The following NRIP1 variants were observed in gnomAD, a reference collection of about 807,000 sequenced individuals.
The protein encoded by NRIP1 is nuclear receptor-interacting protein 1.
Under a neutral mutation model 75.0 loss-of-function variants are expected in NRIP1, and 28 were observed. The observed-to-expected ratio is 0.37, with a 90% confidence interval of 0.28 to 0.51. The LOEUF is 0.51. NRIP1 is among the 20% of genes least tolerant of loss of function. The pLI, the probability that NRIP1 is intolerant of heterozygous loss-of-function variation, is 0.92. For synonymous variants in NRIP1, 526 were observed against 487.6 expected, an observed-to-expected ratio of 1.08 and a Z score of -1.04; for missense variants, 1,435 against 1,343.7, an observed-to-expected ratio of 1.07 and a Z score of -1.06.
chr21:15,022,801 C>G (rs965354114), intron 2 of NRIP1, among the ~76,000 whole-genome samples: 1 of 152,152 alleles, frequency 6.6e-6, no homozygotes, highest in Non-Finnish European at 1.5e-5. Flanking sequence ...GAATTCCATT[C>G]CTGTGTATAT....
chr21:14,979,398 T>A (rs923207213), intron 3 of NRIP1, among the ~76,000 whole-genome samples: 6 of 152,192 alleles, frequency 3.9e-5, no homozygotes, highest in African/African-American at 1.4e-4. Context: ...CAACTATGGT[T>A]TCCCCATCCC....
At chr21:14,990,033 A>G (rs889091271) in intron 3 of NRIP1, among the ~76,000 whole-genome samples, 1 of 152,164 alleles carries the variant, frequency 6.6e-6, no homozygotes. Flanking sequence ...AAATTTGTAA[A>G]TATGACAATA....
intron 1 of NRIP1, among the ~76,000 whole-genome samples, chr21:15,055,961 TAAGA>T (rs1381698335): frequency 6.6e-6 from 1 of 151,378 alleles, no homozygotes; most frequent in African/African-American, 2.4e-5. Context: ...AATGAGATAT[TAAGA>T]AATAAAAAGG....
At chr21:14,971,427 T>C (rs2086900304) in intron 3 of NRIP1, 1 of 152,230 alleles carries the variant, frequency 6.6e-6, no homozygotes, top group Non-Finnish European at 1.5e-5. Context: ...TCATTCTAAA[T>C]ATTCAATTGT....
At chr21:15,006,982 C>A (rs1458140393) in intron 3 of NRIP1, among the ~76,000 whole-genome samples, 1 of 152,126 alleles carries the variant, frequency 6.6e-6, no homozygotes, top group East Asian at 1.9e-4. Flanking sequence ...TAAGGGCTAG[C>A]CAGGCAGAAG....
intron 3 of NRIP1, among the ~76,000 whole-genome samples, chr21:15,007,315 A>T (rs1166393773): frequency 1.3e-5 from 2 of 152,242 alleles, no homozygotes; most frequent in African/African-American, 4.8e-5. Context: ...AGAGTTGAAG[A>T]AAAAGACAGC....
Position 14,965,112 on chromosome 21 carries a change from A to G in NRIP1, c.3081T>C (p.Ser1027=). 1 of 1,613,302 alleles carries G rather than the reference A, an allele frequency of 6.2e-7. No individual in the cohort carries two copies. Among genetic ancestry groups the G allele is most frequent in the Non-Finnish European group, 8.5e-7 (1 of 1,179,922 alleles). Residue 1027 remains serine, a synonymous_variant, in exon 4 of 4, where the codon TCT becomes TCC. Transcript: ENST00000318948. ...HLGCAGSRPE[S]GLLNGCSMPS... ...GCATGGAACACCCATTCAAAAGCCC[A>G]GATTCTGGTCTAGACCCTGCACAGC...
chr21:15,047,405 T>G (rs2142216), intron 1 of NRIP1, among the ~76,000 whole-genome samples: 18,645 of 152,112 alleles, frequency 0.12, 1,285 homozygotes, highest in East Asian at 0.31. Context: ...CCAGGCGTGG[T>G]GGCGGGCGCC....
intron 2 of NRIP1, among the ~76,000 whole-genome samples, chr21:15,042,792 A>AG (rs899570664): frequency 6.6e-6 from 1 of 152,200 alleles, no homozygotes; most frequent in Non-Finnish European, 1.5e-5. Context: ...CATCTATGGT[A>AG]TTTGTTACAG....
chr21:14,987,165 C>A (rs1294436048), intron 3 of NRIP1, among the ~76,000 whole-genome samples: 1 of 152,302 alleles, frequency 6.6e-6, no homozygotes, highest in African/African-American at 2.4e-5. Context: ...CATTTACCAA[C>A]TCTTTGATCA....
intron 3 of NRIP1, among the ~76,000 whole-genome samples, chr21:14,973,085 C>T (rs537952070): frequency 8.7e-4 from 132 of 152,252 alleles, no homozygotes; most frequent in African/African-American, 2.5e-3. Flanking sequence ...TTCATTAGAG[C>T]TTGTGCATGT....
At chr21:14,984,741 C>T (rs2147036391) in intron 3 of NRIP1, among the ~76,000 whole-genome samples, 2 of 152,288 alleles carry the variant, frequency 1.3e-5, no homozygotes, top group East Asian at 3.9e-4. Flanking sequence ...TCATTGTTGT[C>T]TTATTTTAAG....
At chr21:15,030,810 T>C (rs940549437) in intron 2 of NRIP1, among the ~76,000 whole-genome samples, 4 of 152,282 alleles carry the variant, frequency 2.6e-5, no homozygotes, top group Non-Finnish European at 4.4e-5. Context: ...ATCACGACAT[T>C]CCCTTTCTAT....
intron 1 of NRIP1, chr21:15,050,045 T>C (rs776671885): frequency 6.6e-6 from 1 of 152,192 alleles, no homozygotes; most frequent in Non-Finnish European, 1.5e-5. Context: ...TTAAAATAAA[T>C]GCATACATAT....
chr21:14,967,927 G>T lies in NRIP1; in HGVS notation c.266C>A (p.Ser89Tyr). ...LHLKKARLLQSSEDWNAAKRK... is the reference protein window; with the variant it reads ...LHLKKARLLQYSEDWNAAKRK... ...CTTTGCTGCATTCCAGTCCTCAGAA[G>T]ACTGCAACAGTCTGGCTTTTTTGAG... The change falls in exon 4 of 4, where the codon TCT becomes TAT. Residue 89 changes from serine to tyrosine, a missense_variant. Physicochemically the swap from Ser to Tyr is moderately radical, Grantham distance 144. Coordinates refer to ENST00000318948, the MANE Select transcript of NRIP1 (RefSeq NM_003489.4). 6.2e-7 allele frequency: 1 copy of T among 1,614,136 alleles called. No individual in the cohort carries two copies. The highest frequency in any genetic ancestry group is 1.1e-5 in the South Asian group (1 of 91,084).
intron 1 of NRIP1, chr21:15,051,012 G>A: frequency 2.4e-6 from 1 of 409,594 alleles, no homozygotes; most frequent in South Asian, 1.7e-5. Flanking sequence ...TACAGCTAAT[G>A]CAAACTAGCG....
chr21:15,046,702 T>C lies in NRIP1; in HGVS notation c.-537-3128A>G, dbSNP rs190250368. 2.2e-3 allele frequency among the ~76,000 whole-genome samples: 340 copies of C among 152,348 alleles called. 1 individual carries two copies. The highest frequency in any genetic ancestry group is 4.4e-3 in the Non-Finnish European group (300 of 68,034). On this transcript the variant is annotated intron_variant, in intron 1 of 3. Transcript: ENST00000318948. Reference sequence around the variant, plus strand: ...ATGGCATATTCATCCAACAGAAGGCTGTTTCATTTACACTGAAAATCTGCT... The same window carrying C: ...ATGGCATATTCATCCAACAGAAGGCCGTTTCATTTACACTGAAAATCTGCT...
In NRIP1 at chr21:15,047,595, T is replaced by G. The variant is rs1194089552; in HGVS notation, c.-537-4021A>C. Among the ~76,000 whole-genome samples, 4 of 152,174 alleles carry G rather than the reference T, an allele frequency of 2.6e-5. No individual in the cohort carries two copies. In the South Asian group the frequency reaches 8.3e-4, roughly 32 times the overall value. On this transcript the variant is annotated intron_variant, in intron 1 of 3. Coordinates refer to ENST00000318948, the MANE Select transcript of NRIP1 (RefSeq NM_003489.4). Reference sequence around the variant, plus strand: ...AAAAACCATCAGATCTCATGAGAACTCACTATCACGAGAACAGCATGGGGG... The same window carrying G: ...AAAAACCATCAGATCTCATGAGAACGCACTATCACGAGAACAGCATGGGGG...
intron 3 of NRIP1, among the ~76,000 whole-genome samples, chr21:15,000,933 A>G (rs1056949876): frequency 5.9e-5 from 9 of 152,142 alleles, no homozygotes; most frequent in African/African-American, 2.2e-4. Flanking sequence ...TTTTTATGTC[A>G]CAGAGTGATA....
Sources: allele counts gnomAD v4.1 joint callset (sites outside exome capture counted in the v4.1 genomes callset), GRCh38; gene constraint gnomAD v4.1.1; transcripts MANE v1.5; gene names NCBI Gene and HGNC (gene_info 2026-07-23, HGNC 2026-07-21).